GRM3: variants seen among roughly 807,000 people sequenced by gnomAD.
The protein encoded by GRM3 is metabotropic glutamate receptor 3.
Under a neutral mutation model 70.5 loss-of-function variants are expected in GRM3, and 26 were observed. The observed-to-expected ratio is 0.37, with a 90% CI of 0.27 to 0.51. The LOEUF (loss-of-function observed/expected upper bound fraction) is 0.51, where lower values mean the gene tolerates loss of function less well. Among genes scored for constraint, GRM3 ranks in the 20% least tolerant of loss-of-function variants. GRM3 has a pLI of 0.93. For synonymous variants in GRM3, 443 were observed against 434.9 expected (o/e 1.02, Z -0.23); for missense variants, 859 against 1,123.8 (o/e 0.76, Z 3.37).
rs1796146623 is a variant in GRM3 at position 86,748,014 on chromosome 7, T to G, written c.-140-16992T>G. Among the ~76,000 whole-genome samples, 7 of 152,182 alleles carry G rather than the reference T, an allele frequency of 4.6e-5. 1 individual carries two copies. In the South Asian group the frequency reaches 1.5e-3, roughly 32 times the overall value. On this transcript the variant is annotated intron_variant, in intron 1 of 5. Transcript: ENST00000361669. ...TTCCTCCTGTCTCCCTGTGGTTAAC[T>G]TCTTCTTTTTTTAAAAGCTTAGTAG...
chr7:86,855,519 C>A (rs1798830459), intron 5 of GRM3, among the ~76,000 whole-genome samples: 1 of 152,092 alleles, frequency 6.6e-6, no homozygotes, highest in Non-Finnish European at 1.5e-5. Flanking sequence ...AGATTTTGGT[C>A]CCCAAGGAGC....
intron 3 of GRM3, among the ~76,000 whole-genome samples, chr7:86,811,721 C>A (rs1797911874): frequency 6.6e-6 from 1 of 151,730 alleles, no homozygotes; most frequent in South Asian, 2.1e-4. Flanking sequence ...GTAACAATTT[C>A]TTAAACAACA....
chr7:86,821,337 T>C (rs149526755), intron 3 of GRM3, among the ~76,000 whole-genome samples: 34 of 152,248 alleles, frequency 2.2e-4, no homozygotes, highest in Non-Finnish European at 1.8e-4. Flanking sequence ...ACCAGCTGAC[T>C]AACAGCACAG....
intron 3 of GRM3, among the ~76,000 whole-genome samples, chr7:86,793,856 T>G (rs1333257893): frequency 2.0e-5 from 3 of 152,158 alleles, no homozygotes; most frequent in Non-Finnish European, 4.4e-5. Context: ...TAATCCTTAA[T>G]TTATTATGAG....
At chr7:86,681,807 C>T (rs1480481664) in intron 1 of GRM3, among the ~76,000 whole-genome samples, 1 of 152,118 alleles carries the variant, frequency 6.6e-6, no homozygotes, top group Non-Finnish European at 1.5e-5. Context: ...AAGTGTGGAA[C>T]TAGTCTTGCA....
intron 1 of GRM3, among the ~76,000 whole-genome samples, chr7:86,749,808 C>G (rs182788625): frequency 8.5e-5 from 13 of 152,142 alleles, no homozygotes; most frequent in African/African-American, 2.6e-4. Flanking sequence ...TTCCTTACTG[C>G]TTTTCAGAGT....
chr7:86,684,094 G>C (rs1794505538), intron 1 of GRM3, among the ~76,000 whole-genome samples: 1 of 151,688 alleles, frequency 6.6e-6, no homozygotes, highest in African/African-American at 2.4e-5. Context: ...GTTCTTCGTG[G>C]TCTGAAACTG....
intron 3 of GRM3, among the ~76,000 whole-genome samples, chr7:86,836,780 A>G (rs1176148992): frequency 4.6e-5 from 7 of 152,222 alleles, no homozygotes; most frequent in African/African-American, 1.7e-4. Flanking sequence ...TTAACATGTT[A>G]TATGATTTAT....
chr7:86,651,162 CT>C (rs1345998611), intron 1 of GRM3, among the ~76,000 whole-genome samples: 1 of 152,184 alleles, frequency 6.6e-6, no homozygotes, highest in Non-Finnish European at 1.5e-5. Flanking sequence ...GACAGGAAAC[CT>C]GCTGTCTTAA....
intron 1 of GRM3, among the ~76,000 whole-genome samples, chr7:86,668,254 A>G (rs903309672): frequency 1.4e-5 from 2 of 145,310 alleles, no homozygotes; most frequent in African/African-American, 2.6e-5. Context: ...TCCAAGGAAC[A>G]GGTGAAATGT....
chr7:86,698,692 T>C (rs78075280), intron 1 of GRM3, among the ~76,000 whole-genome samples: 1 of 151,808 alleles, frequency 6.6e-6, no homozygotes, highest in African/African-American at 2.4e-5. Flanking sequence ...GTGGTGAATG[T>C]CTGCTGAGAT....
At chr7:86,646,008 G>A in intron 1 of GRM3, among the ~76,000 whole-genome samples, 4 of 106,890 alleles carry the variant, frequency 3.7e-5, no homozygotes, top group Admixed American at 9.5e-5. Context: ...TGGGGGGGTG[G>A]GGGGGGGTGG....
intron 1 of GRM3, among the ~76,000 whole-genome samples, chr7:86,648,818 A>G (rs1032883359): frequency 6.6e-6 from 1 of 152,144 alleles, no homozygotes; most frequent in African/African-American, 2.4e-5. Flanking sequence ...TAAGATTCTT[A>G]AGCAAATATC....
chr7:86,737,655 GA>G (rs1266054021), intron 1 of GRM3, among the ~76,000 whole-genome samples: 8 of 152,090 alleles, frequency 5.3e-5, no homozygotes, highest in Admixed American at 4.6e-4. Context: ...AAATACATCT[GA>G]AAAAAATTAT....
At chr7:86,821,211 CAT>C (rs1210801870) in intron 3 of GRM3, among the ~76,000 whole-genome samples, 1 of 151,846 alleles carries the variant, frequency 6.6e-6, no homozygotes, top group Non-Finnish European at 1.5e-5. Flanking sequence ...ATGTCATAAA[CAT>C]GTAGTTTAAT....
In GRM3 at chr7:86,864,027, A is replaced by AT. The variant is rs538202003; in HGVS notation, c.2567-249dup. Among the ~76,000 whole-genome samples, 14 of 149,374 alleles carry AT rather than the reference A, an allele frequency of 9.4e-5. No individual in the cohort carries two copies. In the South Asian group the frequency reaches 2.9e-3, roughly 31 times the overall value. ...TTAATTTAATTTTATTTTTTTTCAC[A>AT]TTTTTTATTTCCATGGGTTTTTGGG... On this transcript the variant is annotated intron_variant, in intron 5 of 5. Coordinates refer to ENST00000361669, the MANE Select transcript of GRM3 (RefSeq NM_000840.3).
chr7:86,842,900 G>A (rs1798584182), intron 4 of GRM3, among the ~76,000 whole-genome samples: 1 of 152,104 alleles, frequency 6.6e-6, no homozygotes, highest in Non-Finnish European at 1.5e-5. Flanking sequence ...TTGAAGATGG[G>A]ATTTTTACCC....
chr7:86,794,553 G>A (rs376217409), intron 3 of GRM3, among the ~76,000 whole-genome samples: 5 of 152,156 alleles, frequency 3.3e-5, no homozygotes, highest in East Asian at 3.8e-4. Flanking sequence ...TATACTCTGA[G>A]GATCAGGCAT....
At chr7:86,783,592 T>G (rs1249575296) in intron 2 of GRM3, among the ~76,000 whole-genome samples, 1 of 152,170 alleles carries the variant, frequency 6.6e-6, no homozygotes, top group Non-Finnish European at 1.5e-5. Flanking sequence ...ATTTTTTAAA[T>G]GAATAAACCA....
Sources: allele counts gnomAD v4.1 joint callset (sites outside exome capture counted in the v4.1 genomes callset), GRCh38; gene constraint gnomAD v4.1.1; transcripts MANE v1.5; gene names NCBI Gene and HGNC (gene_info 2026-07-23, HGNC 2026-07-21).